PDE8A: variants seen among roughly 807,000 people sequenced by gnomAD.
PDE8A encodes the protein phosphodiesterase 8A.
A neutral mutation model predicts 105.0 loss-of-function variants in PDE8A; 59 were observed. That is an observed-to-expected ratio of 0.56 (90% confidence interval 0.46 to 0.70). PDE8A has a LOEUF of 0.70. Ranked by LOEUF, PDE8A falls within the 30% of genes least tolerant of loss-of-function variation. The probability of loss-of-function intolerance (pLI) is 0.00; values close to 1 mark genes in which losing one functional copy is unlikely to be tolerated. For missense variants in PDE8A, 1,014 were observed against 1,045.9 expected, an observed-to-expected ratio of 0.97 and a Z score of 0.42; for synonymous variants, 355 against 371.9, an observed-to-expected ratio of 0.95 and a Z score of 0.52.
intron 7 of PDE8A, 131 bp from the exon 8 acceptor site, chr15:85,090,913 A>G (rs2081632457): frequency 2.7e-6 from 2 of 728,546 alleles, no homozygotes; most frequent in Admixed American, 4.6e-5. Flanking sequence ...CACAACTGCC[A>G]CGGTGAGGTC....
rs1264196662 is a variant in PDE8A at position 85,120,789 on chromosome 15, G to A, written c.1735-8G>A. The A allele has an allele frequency of 1.9e-6, 3 of 1,583,124 alleles. No individual in the cohort carries two copies. Among genetic ancestry groups the A allele is most frequent in the Non-Finnish European group, 2.6e-6 (3 of 1,162,234 alleles). On this transcript the variant is annotated splice_region_variant and splice_polypyrimidine_tract_variant and intron_variant, in intron 17 of 21. Coordinates refer to ENST00000394553, the MANE Select transcript of PDE8A (RefSeq NM_002605.3). ...TACCCCAGTTTTTAAAAGCTCTCTTGTTTTCAGGAAACTTTAGATCCAATT... is the reference window on the plus strand; with the variant it reads ...TACCCCAGTTTTTAAAAGCTCTCTTATTTTCAGGAAACTTTAGATCCAATT...
Position 85,051,467 on chromosome 15 carries a change from T to A in PDE8A, c.187-12903T>A, listed in dbSNP as rs565587356. Among the ~76,000 whole-genome samples the A allele has an allele frequency of 5.6e-4, 85 of 152,216 alleles. 1 individual carries two copies. The highest frequency in any genetic ancestry group is 4.7e-4 in the Non-Finnish European group (32 of 68,020). ...TTTTTAAAAAATTTGTTTAAAAAAA[T>A]TTTTTTTCTTCAATTTTTAAGTCCC... On this transcript the variant is annotated intron_variant, in intron 1 of 21. Coordinates refer to ENST00000394553, the MANE Select transcript of PDE8A (RefSeq NM_002605.3).
At chr15:85,060,730 T>C (rs1213780960) in intron 1 of PDE8A, among the ~76,000 whole-genome samples, 1 of 152,198 alleles carries the variant, frequency 6.6e-6, no homozygotes, top group Admixed American at 6.6e-5. Flanking sequence ...CCCACAAAAG[T>C]TACAATAATA....
chr15:85,091,267 T>G (rs966178006), intron 8 of PDE8A, 86 bp downstream of exon 8: 1 of 1,170,218 alleles, frequency 8.5e-7, no homozygotes, highest in African/African-American at 1.5e-5. Flanking sequence ...CCAGGTAATC[T>G]TAATCTTACT....
intron 11 of PDE8A, among the ~76,000 whole-genome samples, chr15:85,104,011 G>C (rs2081908160): frequency 6.6e-6 from 1 of 152,182 alleles, no homozygotes; most frequent in African/African-American, 2.4e-5. Flanking sequence ...TTCAGGGTCT[G>C]GGCATCCAAA....
At chr15:85,039,800 A>C in intron 1 of PDE8A, among the ~76,000 whole-genome samples, 1 of 152,364 alleles carries the variant, frequency 6.6e-6, no homozygotes, top group Middle Eastern at 3.4e-3. Context: ...AACATGGATA[A>C]ACTTAGAGGA....
intron 1 of PDE8A, among the ~76,000 whole-genome samples, chr15:85,037,102 G>C (rs527314265): frequency 1.4e-5 from 2 of 142,860 alleles, no homozygotes; most frequent in South Asian, 4.4e-4. Flanking sequence ...TTTCTCTCTT[G>C]TCGCCCAGGC....
At chr15:85,047,372 C>T (rs949541286) in intron 1 of PDE8A, among the ~76,000 whole-genome samples, 5 of 152,138 alleles carry the variant, frequency 3.3e-5, no homozygotes, top group Non-Finnish European at 7.3e-5. Context: ...GTAATGTCAT[C>T]AGATTTCCTG....
chr15:85,017,976 C>T (rs2080357038), intron 1 of PDE8A, among the ~76,000 whole-genome samples: 1 of 150,868 alleles, frequency 6.6e-6, no homozygotes, highest in African/African-American at 2.4e-5. Context: ...GAGATATGCC[C>T]AGGATGGTGG....
At chr15:84,991,304 GC>G (rs1400680166) in intron 1 of PDE8A, among the ~76,000 whole-genome samples, 1 of 152,124 alleles carries the variant, frequency 6.6e-6, no homozygotes, top group African/African-American at 2.4e-5. Context: ...GAAAACAACC[GC>G]CCAGTTGAAA....
At chr15:85,048,839 G>T (rs2080926642) in intron 1 of PDE8A, among the ~76,000 whole-genome samples, 1 of 152,200 alleles carries the variant, frequency 6.6e-6, no homozygotes, top group Non-Finnish European at 1.5e-5. Context: ...GGTGGCTCAC[G>T]CCTATAATTC....
chr15:84,982,304 G>C lies in PDE8A; in HGVS notation c.142G>C (p.Ala48Pro). 7.3e-7 allele frequency: 1 copy of C among 1,369,224 alleles called. No individual in the cohort carries two copies. The highest frequency in any genetic ancestry group is 3.0e-5 in the East Asian group (1 of 33,244). 84.8% of individuals were successfully genotyped at this position (1,369,224 alleles called of 1,614,324 possible). Reference sequence around the variant, plus strand: ...GGCCGCCTTGCCCCGGACCCGCGGCGCCGGCCTCTTGGAGTCGGAGCTTCG... The same window carrying C: ...GGCCGCCTTGCCCCGGACCCGCGGCCCCGGCCTCTTGGAGTCGGAGCTTCG... Reference protein sequence around the residue: ...KTAALPRTRGAGLLESELRDG... With the variant: ...KTAALPRTRGPGLLESELRDG... Residue 48 changes from alanine (A) to proline (P), a missense_variant, in exon 1 of 22, where the codon GCC becomes CCC. By Grantham distance (27) the Ala-to-Pro change is conservative. Transcript: ENST00000394553.
chr15:85,024,226 TATC>T (rs66884751), intron 1 of PDE8A, among the ~76,000 whole-genome samples: 19,327 of 152,150 alleles, frequency 0.13, 1,608 homozygotes, highest in Middle Eastern at 0.24. Context: ...TATCATACCA[TATC>T]ATCGTCTGCT....
intron 1 of PDE8A, among the ~76,000 whole-genome samples, chr15:84,988,509 T>C (rs2079838331): frequency 6.6e-6 from 1 of 152,236 alleles, no homozygotes. Flanking sequence ...CCCTCTTTGC[T>C]GTCTGAAATG....
chr15:84,995,493 A>AT (rs1184372132), intron 1 of PDE8A, among the ~76,000 whole-genome samples: 2 of 151,754 alleles, frequency 1.3e-5, no homozygotes, highest in East Asian at 1.9e-4. Context: ...AATTAAAAAA[A>AT]TTTTTTTTGT....
upstream of PDE8A, among the ~76,000 whole-genome samples, chr15:84,981,255 C>G (rs1001359585): frequency 1.3e-5 from 2 of 152,216 alleles, no homozygotes; most frequent in African/African-American, 4.8e-5. Flanking sequence ...GCCGCGCATG[C>G]TCAGTTGCGG....
intron 9 of PDE8A, 56 bp downstream of exon 9, chr15:85,098,092 A>G: frequency 9.5e-7 from 1 of 1,049,742 alleles, no homozygotes; most frequent in Non-Finnish European, 1.5e-6. Context: ...GTTATTGCAG[A>G]ATTTGCTTTG....
intron 17 of PDE8A, among the ~76,000 whole-genome samples, chr15:85,118,120 G>T (rs1231494264): frequency 8.5e-5 from 13 of 152,150 alleles, no homozygotes; most frequent in Admixed American, 8.5e-4. Flanking sequence ...TCTTCTGGGG[G>T]TCTCACTCCA....
At chr15:85,113,562 G>A (rs1158320597) in intron 13 of PDE8A, 115 bp downstream of exon 13, 2 of 920,202 alleles carry the variant, frequency 2.2e-6, no homozygotes, top group Non-Finnish European at 3.6e-6. Flanking sequence ...TGTCATAGTT[G>A]TGTGGTGCTA....
Sources: allele counts gnomAD v4.1 joint callset (sites outside exome capture counted in the v4.1 genomes callset), GRCh38; gene constraint gnomAD v4.1.1; transcripts MANE v1.5; gene names NCBI Gene and HGNC (gene_info 2026-07-23, HGNC 2026-07-21).